PAK2: variants seen among roughly 807,000 people sequenced by gnomAD.
PAK2 encodes serine/threonine-protein kinase PAK 2.
Under a neutral mutation model 65.9 loss-of-function variants are expected in PAK2, and 21 were observed. The ratio of observed to expected loss-of-function variants is 0.32; its 90% confidence interval spans 0.23 to 0.46. The LOEUF is 0.46. Ranked by LOEUF, PAK2 falls within the 20% of genes least tolerant of loss-of-function variation. The pLI is 1.00. For missense variants in PAK2, 324 were observed against 642.6 expected, an observed-to-expected ratio of 0.50 and a Z score of 5.36; for synonymous variants, 204 against 219.7, an observed-to-expected ratio of 0.93 and a Z score of 0.63.
intron 2 of PAK2, among the ~76,000 whole-genome samples, chr3:196,792,078 C>A (rs1715091847): frequency 6.6e-6 from 1 of 152,110 alleles, no homozygotes; most frequent in South Asian, 2.1e-4. Flanking sequence ...GCTGTGCTGA[C>A]CTGGCTTGAG....
chr3:196,751,696 A>ATATATATATATATAATTACC (rs1713603033), intron 1 of PAK2, among the ~76,000 whole-genome samples: 2 of 72,658 alleles, frequency 2.8e-5, no homozygotes, highest in Admixed American at 1.6e-4. Context: ...TATATATATA[A>ATATATATATATATAATTACC]TTCAGGCTAT....
At chr3:196,741,832 A>G (rs1033761322) in intron 1 of PAK2, among the ~76,000 whole-genome samples, 1 of 143,766 alleles carries the variant, frequency 7.0e-6, no homozygotes, top group African/African-American at 2.7e-5. Flanking sequence ...CTTGGTCTGT[A>G]GATGTTGGCT....
intron 1 of PAK2, among the ~76,000 whole-genome samples, chr3:196,769,281 C>T (rs6793244): frequency 0.03 from 4,542 of 151,852 alleles, 114 homozygotes; most frequent in Middle Eastern, 0.068. Flanking sequence ...CGTTATTGCA[C>T]CACTGCACTC....
intron 1 of PAK2, among the ~76,000 whole-genome samples, chr3:196,773,961 A>T (rs1017087509): frequency 3.9e-5 from 6 of 152,134 alleles, no homozygotes; most frequent in Non-Finnish European, 8.8e-5. Context: ...AGAATCCAGG[A>T]GGTAGAGGTT....
At chr3:196,811,499 A>C (rs895567940) in intron 8 of PAK2, among the ~76,000 whole-genome samples, 1 of 139,876 alleles carries the variant, frequency 7.1e-6, no homozygotes, top group South Asian at 2.2e-4. Context: ...CTTCTGCCTC[A>C]GCCTCCCAAA....
chr3:196,772,119 A>G (rs916392389), intron 1 of PAK2, among the ~76,000 whole-genome samples: 1 of 152,046 alleles, frequency 6.6e-6, no homozygotes, highest in Non-Finnish European at 1.5e-5. Flanking sequence ...TCTTGCCATC[A>G]CCATTTTCAA....
chr3:196,820,543 A>C lies in PAK2; in HGVS notation c.1326A>C (p.Pro442=), dbSNP rs1402410683. ...TTGAGATGGTAGAAGGAGAGCCTCC[A>C]TACCTCAATGAAAATCCCTTGAGGG... ...MAIEMVEGEP[P]YLNENPLRAL... Residue 442 remains proline (P), a synonymous_variant, in exon 13 of 15, where the codon CCA becomes CCC. Transcript: ENST00000327134. The surrounding 1 kb of genome is among the most constrained non-coding windows in gnomAD (Gnocchi z 4.6). The C allele has an allele frequency of 1.3e-6, 2 of 1,589,202 alleles. No homozygotes were observed. The highest frequency in any genetic ancestry group is 2.3e-5 in the East Asian group (1 of 44,424).
At chr3:196,740,316 G>A (rs1243974240) in intron 1 of PAK2, among the ~76,000 whole-genome samples, 159 bp downstream of exon 1, 2 of 152,134 alleles carry the variant, frequency 1.3e-5, no homozygotes, top group African/African-American at 2.4e-5. Flanking sequence ...GCAGCTCCTG[G>A]GGCGGTGGCT....
At chr3:196,761,952 C>CGGGTGGAG (rs1278252355) in intron 1 of PAK2, among the ~76,000 whole-genome samples, 1 of 131,066 alleles carries the variant, frequency 7.6e-6, no homozygotes, top group Non-Finnish European at 1.7e-5. Context: ...GGGCAGCTGC[C>CGGGTGGAG]GGGCGGAGGG....
chr3:196,823,326 A>G (rs1711714772), intron 13 of PAK2, among the ~76,000 whole-genome samples: 1 of 152,154 alleles, frequency 6.6e-6, no homozygotes, highest in Admixed American at 6.5e-5. Context: ...ACAAAGCTGA[A>G]GAGTCTTACA....
chr3:196,824,000 G>A (rs1711742506), intron 13 of PAK2, among the ~76,000 whole-genome samples: 1 of 151,916 alleles, frequency 6.6e-6, no homozygotes, highest in Non-Finnish European at 1.5e-5. Flanking sequence ...AGTGAAGGGG[G>A]ACGTGTTCAG....
At chr3:196,774,681 A>G (rs376084469) in intron 1 of PAK2, among the ~76,000 whole-genome samples, 4 of 152,218 alleles carry the variant, frequency 2.6e-5, no homozygotes, top group African/African-American at 9.6e-5. Context: ...CAGTGGCCCT[A>G]ATGCCAGAGT....
intron 1 of PAK2, among the ~76,000 whole-genome samples, chr3:196,776,845 T>C (rs974739543): frequency 6.6e-6 from 1 of 152,218 alleles, no homozygotes; most frequent in South Asian, 2.1e-4. Flanking sequence ...GATTCCACAA[T>C]GAACCTTTTA....
At chr3:196,783,580 A>AG (rs1714782887) in intron 2 of PAK2, among the ~76,000 whole-genome samples, 1 of 52,024 alleles carries the variant, frequency 1.9e-5, no homozygotes, top group East Asian at 3.7e-4. Flanking sequence ...AGACTCTCTC[A>AG]AAAAAAAAAA....
chr3:196,815,616 G>A (rs746211350), intron 11 of PAK2, among the ~76,000 whole-genome samples: 3 of 151,584 alleles, frequency 2.0e-5, no homozygotes, highest in Admixed American at 1.3e-4. Flanking sequence ...GTGAAACCCC[G>A]TCTCTACTAA....
At chr3:196,788,407 C>T (rs888345572) in intron 2 of PAK2, among the ~76,000 whole-genome samples, 9 of 152,072 alleles carry the variant, frequency 5.9e-5, no homozygotes, top group Non-Finnish European at 1.2e-4. Flanking sequence ...AAAATAAAGA[C>T]TCTAGGATGT....
chr3:196,788,995 T>C (rs1430378361), intron 2 of PAK2, among the ~76,000 whole-genome samples: 5 of 152,210 alleles, frequency 3.3e-5, no homozygotes, highest in Non-Finnish European at 7.3e-5. Context: ...TTATCCTGTT[T>C]CCTGGGGAAC....
At chr3:196,743,701 G>T (rs1199172477) in intron 1 of PAK2, among the ~76,000 whole-genome samples, 1 of 151,980 alleles carries the variant, frequency 6.6e-6, no homozygotes, top group Non-Finnish European at 1.5e-5. Flanking sequence ...CTTTAGTAGA[G>T]AATTTAGTAT....
At chr3:196,757,040 A>C (rs529052127) in intron 1 of PAK2, among the ~76,000 whole-genome samples, 1 of 152,210 alleles carries the variant, frequency 6.6e-6, no homozygotes. Flanking sequence ...TTGTTGTGTC[A>C]TTCCCCTGTT....
Sources: allele counts gnomAD v4.1 joint callset (sites outside exome capture counted in the v4.1 genomes callset), GRCh38; gene constraint gnomAD v4.1.1; non-coding constraint Gnocchi (gnomAD v3.1); transcripts MANE v1.5; gene names NCBI Gene and HGNC (gene_info 2026-07-23, HGNC 2026-07-21).